The following CLSTN1 variants were observed in gnomAD, a reference collection of about 807,000 sequenced individuals.
The protein encoded by CLSTN1 is calsyntenin 1.
CLSTN1 carries 28 observed loss-of-function variants against 108.3 expected under a neutral mutation model. The observed-to-expected ratio is 0.26, with a 90% CI of 0.19 to 0.35. The LOEUF is 0.35. CLSTN1 is among the 10% of genes least tolerant of loss of function. The pLI is 1.00. For synonymous variants in CLSTN1, 524 were observed against 534.9 expected (o/e 0.98, Z 0.28); for missense variants, 1,157 against 1,302.6 (o/e 0.89, Z 1.72).
At chr1:9,737,637 G>T (rs1029169031) in intron 10 of CLSTN1, 83 bp from the exon 11 acceptor site, 21 of 1,178,488 alleles carry the variant, frequency 1.8e-5, no homozygotes, top group African/African-American at 4.6e-5. Context: ...CAGGTTTGAA[G>T]CAACCAACTA....
At position 9,814,956 on chromosome 1, in the gene CLSTN1, C is replaced by T. The variant is rs149244517; in HGVS notation, c.91+8687G>A. On this transcript the variant is annotated intron_variant, in intron 1 of 18. Coordinates refer to ENST00000377298, the MANE Select transcript of CLSTN1 (RefSeq NM_001009566.3). ...AAACTAGTTGTAGTTTGAAAATTCTCGTGTTTTTTCCAGTCCCTTTCATTA... is the reference window on the plus strand; with the variant it reads ...AAACTAGTTGTAGTTTGAAAATTCTTGTGTTTTTTCCAGTCCCTTTCATTA... Among the ~76,000 whole-genome samples, 11 of 152,192 alleles carry T rather than the reference C, an allele frequency of 7.2e-5. No homozygotes were observed. The East Asian group carries it at 2.1e-3, about 29-fold the overall frequency.
At chr1:9,742,927 A>G (rs1651054051) in intron 9 of CLSTN1, among the ~76,000 whole-genome samples, 1 of 152,074 alleles carries the variant, frequency 6.6e-6, no homozygotes, top group South Asian at 2.1e-4. Flanking sequence ...AAAAGAGACA[A>G]ATGCTACCAA....
chr1:9,742,288 G>A lies in CLSTN1; in HGVS notation c.1357-1032C>T, dbSNP rs183787474. 5.3e-5 allele frequency among the ~76,000 whole-genome samples: 8 copies of A among 152,166 alleles called. No individual in the cohort carries two copies. In the East Asian group the frequency reaches 1.4e-3, roughly 26 times the overall value. ...GATACATCATGACATACAGGCGGGC[G>A]TCTACAAGAATGAAATGCTCTATTT... is the stretch of plus-strand genomic sequence containing the variant. On this transcript the variant is annotated intron_variant, in intron 9 of 18. Transcript: ENST00000377298.
At chr1:9,751,394 C>T (rs1041905563) in intron 5 of CLSTN1, 79 bp downstream of exon 5, 5 of 1,379,570 alleles carry the variant, frequency 3.6e-6, no homozygotes, top group Middle Eastern at 2.1e-4. Context: ...TCTGACGAAG[C>T]ACAGAAGCTG....
intron 7 of CLSTN1, among the ~76,000 whole-genome samples, chr1:9,745,648 G>A (rs113589030): frequency 1.6e-4 from 25 of 151,804 alleles, no homozygotes; most frequent in African/African-American, 5.6e-4. Flanking sequence ...GTGCGACCCT[G>A]TCTCAAAAAT....
intron 1 of CLSTN1, among the ~76,000 whole-genome samples, chr1:9,777,915 A>C (rs1379522913): frequency 1.3e-5 from 2 of 151,974 alleles, no homozygotes; most frequent in Non-Finnish European, 2.9e-5. Context: ...CTCTGTTGAA[A>C]AGGTCCTTCC....
At chr1:9,802,902 G>A (rs1654347913) in intron 1 of CLSTN1, among the ~76,000 whole-genome samples, 1 of 144,620 alleles carries the variant, frequency 6.9e-6, no homozygotes, top group Non-Finnish European at 1.5e-5. Flanking sequence ...AGGGCTCACT[G>A]CAGCCTCAAG....
chr1:9,802,252 G>A (rs996769943), intron 1 of CLSTN1, among the ~76,000 whole-genome samples: 2 of 152,158 alleles, frequency 1.3e-5, no homozygotes, highest in African/African-American at 2.4e-5. Context: ...TTTCTGACAA[G>A]GAATGCTTCC....
At chr1:9,752,808 G>A (rs1482170164) in intron 4 of CLSTN1, among the ~76,000 whole-genome samples, 1 of 152,162 alleles carries the variant, frequency 6.6e-6, no homozygotes, top group Admixed American at 6.5e-5. Flanking sequence ...GTTGCAGTGA[G>A]CCGAGATTGT....
Position 9,743,902 on chromosome 1 carries a change from G to A in CLSTN1, c.1338C>T (p.Phe446=), listed in dbSNP as rs146951714. The part of the protein sequence containing the change: ...SEEKKYRPAE[F]HWKLNQVCDE... ...CACTCACCTGATTCAACTTCCAGTG[G>A]AACTCTGCAGGTCTGTATTTCTTCT... Residue 446 remains phenylalanine (F), a synonymous_variant, in exon 9 of 19, where the codon TTC becomes TTT. Coordinates refer to ENST00000377298, the MANE Select transcript of CLSTN1 (RefSeq NM_001009566.3). The A allele has an allele frequency of 8.9e-5, 144 of 1,613,956 alleles. No homozygotes were observed. The highest frequency in any genetic ancestry group is 1.7e-5 in the Admixed American group (1 of 59,992).
chr1:9,781,854 C>T (rs1170620501), intron 1 of CLSTN1, among the ~76,000 whole-genome samples: 1 of 152,088 alleles, frequency 6.6e-6, no homozygotes, highest in Non-Finnish European at 1.5e-5. Context: ...ATCAGATGTG[C>T]ACATCTGCTG....
chr1:9,742,519 G>T (rs1276050921), intron 9 of CLSTN1, among the ~76,000 whole-genome samples: 3 of 152,128 alleles, frequency 2.0e-5, no homozygotes, highest in Non-Finnish European at 2.9e-5. Context: ...ATACTTAGAA[G>T]AAACTAAATA....
chr1:9,803,169 A>G, intron 1 of CLSTN1, among the ~76,000 whole-genome samples: 1 of 152,128 alleles, frequency 6.6e-6, no homozygotes, highest in East Asian at 1.9e-4. Flanking sequence ...AAGCAAACAG[A>G]GCTTACTTAA....
At chr1:9,795,017 A>C (rs958896173) in intron 1 of CLSTN1, among the ~76,000 whole-genome samples, 1 of 140,464 alleles carries the variant, frequency 7.1e-6, no homozygotes, top group African/African-American at 3.1e-5. Flanking sequence ...ATGAAGGCTA[A>C]TCAGAAAAAA....
intron 2 of CLSTN1, among the ~76,000 whole-genome samples, chr1:9,768,792 TTC>T (rs1174207232): frequency 1.3e-5 from 1 of 76,470 alleles, no homozygotes; most frequent in African/African-American, 5.3e-5. Context: ...GGGGGCGGGG[TTC>T]TGTGTTAGGT....
In CLSTN1 at chr1:9,781,346, A is replaced by AC. The variant is rs1653234837; in HGVS notation, c.92-7953_92-7952insG. 20 of 510,054 alleles carry AC rather than the reference A, an allele frequency of 3.9e-5. 1 individual carries two copies. The South Asian group carries it at 6.4e-4, about 16-fold the overall frequency. The allele number at this position is 510,054 out of a possible 1,614,324, so 31.6% of individuals were successfully genotyped here. ...GATACTGAATGCAGCAGTGTAGAAA[A>AC]ATTTTCCTTTTTAAAAGAATTATAA... On this transcript the variant is annotated intron_variant, in intron 1 of 18. Transcript: ENST00000377298.
rs1570536418 is a variant in CLSTN1, at chr1:9,823,271, G to C, written c.91+372C>G. Among the ~76,000 whole-genome samples, 1 of 152,200 alleles carries C rather than the reference G, an allele frequency of 6.6e-6. No homozygotes were observed. The highest frequency in any genetic ancestry group is 1.9e-4 in the East Asian group (1 of 5,182). ...CCAGCCTGCGTGCGCCGCTGAGCAG[G>C]GCGGACTGACCCTTCGGCCCGTCTG... On this transcript the variant is annotated intron_variant, in intron 1 of 18. Transcript: ENST00000377298. This position sits in a 1 kb window ranked among gnomAD's most constrained non-coding sequence, Gnocchi z 6.3.
At chr1:9,738,385 T>C (rs1415581474) in intron 10 of CLSTN1, among the ~76,000 whole-genome samples, 7 of 152,162 alleles carry the variant, frequency 4.6e-5, no homozygotes, top group Non-Finnish European at 1.0e-4. Context: ...TATGGTGTGC[T>C]AGGGCCCCTT....
intron 11 of CLSTN1, among the ~76,000 whole-genome samples, 185 bp from the exon 12 acceptor site, chr1:9,736,227 G>A (rs1650684876): frequency 6.6e-6 from 1 of 152,228 alleles, no homozygotes. Context: ...AACCGTTTAT[G>A]ATCATGCACA....
Sources: allele counts gnomAD v4.1 joint callset (sites outside exome capture counted in the v4.1 genomes callset), GRCh38; gene constraint gnomAD v4.1.1; non-coding constraint Gnocchi (gnomAD v3.1); transcripts MANE v1.5; gene names NCBI Gene and HGNC (gene_info 2026-07-23, HGNC 2026-07-21).